Variants in DDX60L observed in about 807,000 individuals in gnomAD.
DDX60L encodes the protein probable ATP-dependent RNA helicase DDX60-like.
In DDX60L, 191 loss-of-function variants were observed where a neutral mutation model predicts 211.6. The ratio of observed to expected loss-of-function variants is 0.90; its 90% CI spans 0.80 to 1.02. The LOEUF is 1.02. Ranked by LOEUF, DDX60L falls within the 50% of genes least tolerant of loss-of-function variation. The pLI is 0.00. For missense variants in DDX60L, 2,007 were observed against 1,984.1 expected (o/e 1.01, Z -0.22); for synonymous variants, 706 against 694.1 (o/e 1.02, Z -0.27).
chr4:168,439,233 C>T (rs970252274), intron 10 of DDX60L, among the ~76,000 whole-genome samples: 8 of 152,108 alleles, frequency 5.3e-5, no homozygotes, highest in African/African-American at 1.9e-4. Context: ...TCCAATCAAA[C>T]ATGAATCTGG....
chr4:168,478,618 T>C (rs1008328926), intron 1 of DDX60L, among the ~76,000 whole-genome samples: 1 of 152,304 alleles, frequency 6.6e-6, no homozygotes, highest in East Asian at 1.9e-4. Context: ...CACATCAACA[T>C]AGCCGTGGAT....
Position 168,394,618 on chromosome 4 carries a change from C to T in DDX60L, c.3658-1G>A, listed in dbSNP as rs377159186. 1.1e-4 allele frequency: 177 copies of T among 1,586,630 alleles called. No individual in the cohort carries two copies. Among genetic ancestry groups the T allele is most frequent in the Non-Finnish European group, 1.5e-4 (175 of 1,171,716 alleles). On this transcript the variant is annotated splice_acceptor_variant, in intron 27 of 37. Transcript: ENST00000682922. LOFTEE classifies it high-confidence loss of function. The stretch of plus-strand genomic sequence containing the variant: ...CTCGCGGTAATACCCTCTCCAAAGT[C>T]TAAAACAAGAAAGAAGTGTAAAACA...
intron 9 of DDX60L, among the ~76,000 whole-genome samples, chr4:168,442,265 C>T (rs1753979861): frequency 6.6e-6 from 1 of 152,160 alleles, no homozygotes; most frequent in Non-Finnish European, 1.5e-5. Context: ...AAAATCGGGT[C>T]ACTCCCACCA....
chr4:168,394,382 T>G, intron 28 of DDX60L, 83 bp downstream of exon 28: 1 of 1,102,586 alleles, frequency 9.1e-7, no homozygotes, highest in South Asian at 1.7e-5. Context: ...GAAAACCAAC[T>G]GGTATAATTT....
rs767136311 is a variant in DDX60L, at chr4:168,416,748, AG to A, written c.2659del (p.Val888SerfsTer14). ...CAAAAAGGGACATCGAATAATGACA[AG>A]GAGGAGCTCCCAAAATTTTGCTCCA... ...EVGAKFWELL[L>X]VIIRCPFLVL... On this transcript the variant is annotated frameshift_variant, in exon 20 of 38. Coordinates refer to ENST00000682922, the MANE Select transcript of DDX60L (RefSeq NM_001012967.3). LOFTEE classifies it high-confidence loss of function. The A allele has an allele frequency of 1.1e-5, 17 of 1,609,028 alleles. No homozygotes were observed. In the African/African-American group the frequency reaches 2.3e-4, roughly 22 times the overall value.
chr4:168,427,457 A>G, intron 13 of DDX60L, 135 bp from the exon 14 acceptor site: 4 of 974,914 alleles, frequency 4.1e-6, no homozygotes, highest in Non-Finnish European at 5.9e-6. Flanking sequence ...AGAATTCTTA[A>G]TGTCTTTTCT....
chr4:168,420,463 TACACACACACACACACACACAC>T, intron 17 of DDX60L, 83 bp from the exon 18 acceptor site: 9 of 456,752 alleles, frequency 2.0e-5, no homozygotes, highest in Non-Finnish European at 3.3e-5. Flanking sequence ...TCCATACACA[TACACACACACACACACACACAC>T]ACACACACAC....
intron 24 of DDX60L, among the ~76,000 whole-genome samples, chr4:168,405,290 G>A (rs1002653800): frequency 5.3e-5 from 8 of 152,084 alleles, no homozygotes; most frequent in Non-Finnish European, 2.9e-5. Flanking sequence ...TTATAGGTGT[G>A]AGCCACCACT....
chr4:168,361,498 A>C, intron 36 of DDX60L: 1 of 227,614 alleles, frequency 4.4e-6, no homozygotes, highest in East Asian at 9.3e-5. Context: ...AAAACAAAAC[A>C]AGTTGATAGA....
At chr4:168,471,231 A>G (rs563865023) in intron 4 of DDX60L, among the ~76,000 whole-genome samples, 1 of 152,350 alleles carries the variant, frequency 6.6e-6, no homozygotes, top group South Asian at 2.1e-4. Context: ...ACGTACCCCC[A>G]AAATAAAAGG....
At chr4:168,388,582 C>T (rs1007862350) in intron 29 of DDX60L, among the ~76,000 whole-genome samples, 11 of 152,150 alleles carry the variant, frequency 7.2e-5, no homozygotes, top group African/African-American at 2.4e-4. Flanking sequence ...TTGTCACCAT[C>T]GTACAGATTG....
chr4:168,383,424 A>C (rs1743302408), intron 30 of DDX60L, among the ~76,000 whole-genome samples: 1 of 152,234 alleles, frequency 6.6e-6, no homozygotes, highest in Admixed American at 6.5e-5. Context: ...CCTTTGCTAC[A>C]AGTAGATTTT....
intron 36 of DDX60L, among the ~76,000 whole-genome samples, chr4:168,366,456 A>G (rs1265269609): frequency 1.3e-5 from 2 of 152,128 alleles, no homozygotes; most frequent in Non-Finnish European, 2.9e-5. Flanking sequence ...TGAAAACTGT[A>G]AAACATTGAT....
intron 9 of DDX60L, among the ~76,000 whole-genome samples, chr4:168,446,616 C>T (rs1264574172): frequency 1.3e-5 from 2 of 151,880 alleles, no homozygotes; most frequent in African/African-American, 2.4e-5. Context: ...CATCACACTA[C>T]CTGACTTCAA....
chr4:168,439,709 A>T (rs1561075683), intron 10 of DDX60L, among the ~76,000 whole-genome samples: 1 of 152,230 alleles, frequency 6.6e-6, no homozygotes, highest in African/African-American at 2.4e-5. Flanking sequence ...TAAACTAAAC[A>T]ATCTTCAAAA....
intron 36 of DDX60L, among the ~76,000 whole-genome samples, chr4:168,367,245 C>CACATG (rs1740156570): frequency 6.6e-6 from 1 of 152,134 alleles, no homozygotes; most frequent in Non-Finnish European, 1.5e-5. Context: ...CCACAATTAC[C>CACATG]ACATGTCGTG....
chr4:168,425,115 T>G (rs542910402), intron 14 of DDX60L, among the ~76,000 whole-genome samples: 86 of 152,334 alleles, frequency 5.6e-4, no homozygotes, highest in Admixed American at 1.5e-3. Flanking sequence ...TAGCGGAGCC[T>G]AAGTTCCCAG....
chr4:168,459,877 C>T (rs1336260216), intron 5 of DDX60L, among the ~76,000 whole-genome samples: 2 of 148,660 alleles, frequency 1.3e-5, no homozygotes, highest in Admixed American at 6.7e-5. Flanking sequence ...AAAAAAAAAA[C>T]CTGGGGAAAT....
At chr4:168,457,505 T>C (rs1221989596) in intron 6 of DDX60L, among the ~76,000 whole-genome samples, 2 of 151,542 alleles carry the variant, frequency 1.3e-5, no homozygotes, top group African/African-American at 4.8e-5. Context: ...GTATAAAGCA[T>C]AGCTTGAGAA....
Sources: allele counts gnomAD v4.1 joint callset (sites outside exome capture counted in the v4.1 genomes callset), GRCh38; gene constraint gnomAD v4.1.1; transcripts MANE v1.5; gene names NCBI Gene and HGNC (gene_info 2026-07-23, HGNC 2026-07-21).